EYS: variants seen among roughly 807,000 people sequenced by gnomAD.
EYS encodes EGF-like photoreceptor maintenance factor.
EYS carries 250 observed loss-of-function variants against 282.1 expected under a neutral mutation model. The observed-to-expected ratio is 0.89, with a 90% confidence interval of 0.80 to 0.98. EYS has a LOEUF of 0.98. Ranked by LOEUF, EYS falls within the 50% of genes least tolerant of loss-of-function variation. The probability of loss-of-function intolerance (pLI) is 0.00; values close to 1 mark genes in which losing one functional copy is unlikely to be tolerated. For synonymous variants in EYS, 1,355 were observed against 1,282.9 expected (o/e 1.06, Z -1.20); for missense variants, 4,016 against 3,709.0 (o/e 1.08, Z -2.15).
At chr6:63,985,217 A>G (rs1767299671) in intron 34 of EYS, among the ~76,000 whole-genome samples, 2 of 151,754 alleles carry the variant, frequency 1.3e-5, no homozygotes, top group Non-Finnish European at 2.9e-5. Flanking sequence ...CGACTGGCAC[A>G]CAGGAATATT....
intron 22 of EYS, among the ~76,000 whole-genome samples, chr6:64,662,164 A>G (rs188846667): frequency 6.6e-4 from 96 of 145,140 alleles, no homozygotes; most frequent in Non-Finnish European, 1.1e-3. Flanking sequence ...GTTCTCACTC[A>G]TAGGTGGGAA....
intron 26 of EYS, among the ~76,000 whole-genome samples, chr6:64,500,920 G>A (rs1165535826): frequency 6.6e-6 from 1 of 151,972 alleles, no homozygotes; most frequent in East Asian, 1.9e-4. Context: ...TAACTGTGCA[G>A]AGCTCCAATT....
At chr6:64,779,573 TA>T (rs1458924493) in intron 22 of EYS, among the ~76,000 whole-genome samples, 46 of 152,240 alleles carry the variant, frequency 3.0e-4, no homozygotes, top group African/African-American at 9.1e-4. Context: ...TACATGCCAT[TA>T]TACATTAGTT....
intron 19 of EYS, among the ~76,000 whole-genome samples, chr6:64,872,037 T>C (rs1766614528): frequency 6.6e-6 from 1 of 152,044 alleles, no homozygotes; most frequent in African/African-American, 2.4e-5. Flanking sequence ...ATATTAAAGA[T>C]GGAGAATCTT....
chr6:65,472,650 G>A (rs1765256931), intron 5 of EYS, among the ~76,000 whole-genome samples: 1 of 151,822 alleles, frequency 6.6e-6, no homozygotes. Flanking sequence ...TGTACTGACA[G>A]GAAAAATTTA....
intron 19 of EYS, among the ~76,000 whole-genome samples, chr6:64,854,077 T>G (rs143457321): frequency 0.15 from 22,431 of 150,638 alleles, 1,894 homozygotes; most frequent in East Asian, 0.42. Context: ...TTAGAATGGC[T>G]ATCATTATAA....
At chr6:65,033,287 A>G (rs192221215) in intron 13 of EYS, among the ~76,000 whole-genome samples, 144 of 152,296 alleles carry the variant, frequency 9.5e-4, no homozygotes, top group African/African-American at 3.4e-3. Flanking sequence ...CTTTATCAGA[A>G]GAGGAATTCA....
chr6:64,498,462 A>T (rs1476294928), intron 26 of EYS, among the ~76,000 whole-genome samples: 3 of 146,864 alleles, frequency 2.0e-5, no homozygotes, highest in Admixed American at 6.8e-5. Flanking sequence ...TTATATACTC[A>T]TTTTTTTTTT....
At chr6:63,732,757 C>T (rs1158594192) in intron 41 of EYS, among the ~76,000 whole-genome samples, 2 of 152,166 alleles carry the variant, frequency 1.3e-5, no homozygotes, top group Admixed American at 6.5e-5. Flanking sequence ...TGTGCCAACA[C>T]GTTCACTAGG....
intron 2 of EYS, among the ~76,000 whole-genome samples, chr6:65,590,429 A>T (rs985213101): frequency 5.9e-5 from 9 of 152,114 alleles, no homozygotes; most frequent in Admixed American, 6.6e-5. Flanking sequence ...TGTAATTATT[A>T]GGGTAACTAG....
intron 19 of EYS, among the ~76,000 whole-genome samples, chr6:64,880,824 T>TTA (rs200607771): frequency 0.039 from 5,736 of 148,824 alleles, 148 homozygotes; most frequent in East Asian, 0.16. Context: ...ATAAGAGATT[T>TTA]TATATATATA....
At chr6:64,612,300 A>C (rs72876908) in intron 24 of EYS, among the ~76,000 whole-genome samples, 2,282 of 152,250 alleles carry the variant, frequency 0.015, 23 homozygotes, top group Non-Finnish European at 0.021. Flanking sequence ...TATCATTTAC[A>C]AAACACAATA....
intron 30 of EYS, among the ~76,000 whole-genome samples, chr6:64,288,741 C>G (rs997826784): frequency 1.3e-5 from 2 of 152,050 alleles, no homozygotes; most frequent in African/African-American, 2.4e-5. Flanking sequence ...AAAATTTGCT[C>G]CTCTTTTGGT....
At chr6:64,832,084 T>G (rs1393272477) in intron 19 of EYS, among the ~76,000 whole-genome samples, 1 of 151,826 alleles carries the variant, frequency 6.6e-6, no homozygotes, top group Non-Finnish European at 1.5e-5. Flanking sequence ...TATAGATGAG[T>G]CGGACTTCTG....
chr6:63,872,996 T>C (rs1259070943), intron 35 of EYS, among the ~76,000 whole-genome samples: 1 of 142,578 alleles, frequency 7.0e-6, no homozygotes, highest in South Asian at 2.4e-4. Flanking sequence ...AAAAATATCT[T>C]TTTTTGTTTT....
chr6:64,195,730 A>C (rs1035265609), intron 31 of EYS, among the ~76,000 whole-genome samples: 2 of 152,176 alleles, frequency 1.3e-5, no homozygotes, highest in Non-Finnish European at 2.9e-5. Flanking sequence ...ATTTATTTTC[A>C]AATTTAATTG....
rs1771328768 is a variant in EYS at position 64,345,172 on chromosome 6, C to T, written c.6079-38090G>A. On this transcript the variant is annotated intron_variant, in intron 29 of 42. Coordinates refer to ENST00000503581, the MANE Select transcript of EYS (RefSeq NM_001142800.2). ...GCCATCCCCATCAAGCTACCAATGA[C>T]TTTCTTCACAGAATTGGAAAAAAAC... Among the ~76,000 whole-genome samples the T allele has an allele frequency of 2.0e-5, 3 of 152,140 alleles. No homozygotes were observed. The South Asian group carries it at 6.2e-4, about 31-fold the overall frequency.
intron 12 of EYS, among the ~76,000 whole-genome samples, chr6:65,135,020 G>C (rs1002492880): frequency 2.6e-5 from 4 of 152,026 alleles, no homozygotes; most frequent in African/African-American, 9.7e-5. Flanking sequence ...TCAGATTAGA[G>C]ATGATTTAGG....
At chr6:64,451,718 T>C (rs188057330) in intron 26 of EYS, among the ~76,000 whole-genome samples, 1 of 152,144 alleles carries the variant, frequency 6.6e-6, no homozygotes, top group African/African-American at 2.4e-5. Context: ...CGAAAATCAA[T>C]AAACGTAATC....
Sources: allele counts gnomAD v4.1 joint callset (sites outside exome capture counted in the v4.1 genomes callset), GRCh38; gene constraint gnomAD v4.1.1; transcripts MANE v1.5; gene names NCBI Gene and HGNC (gene_info 2026-07-23, HGNC 2026-07-21).